The following PIGF variants were observed in gnomAD, a reference collection of about 807,000 sequenced individuals.
PIGF encodes the protein phosphatidylinositol glycan anchor biosynthesis class F, also known as GPI ethanolamine phosphate transferase, stabilizing subunit.
Under a neutral mutation model 26.0 loss-of-function variants are expected in PIGF, and 23 were observed. The ratio of observed to expected loss-of-function variants is 0.88; its 90% CI spans 0.64 to 1.25. The LOEUF (loss-of-function observed/expected upper bound fraction) is 1.25. Ranked by LOEUF, PIGF falls within the 50% of genes most tolerant of loss-of-function variation. The pLI is 0.00. For synonymous variants in PIGF, 93 were observed against 92.6 expected (o/e 1.00, Z -0.03); for missense variants, 278 against 249.9 (o/e 1.11, Z -0.76).
chr2:46,597,994 G>A (rs1020726335), intron 4 of PIGF, among the ~76,000 whole-genome samples: 1 of 152,112 alleles, frequency 6.6e-6, no homozygotes, highest in Non-Finnish European at 1.5e-5. Flanking sequence ...TGTTTGATCA[G>A]ATCACTTAAG....
intron 4 of PIGF, among the ~76,000 whole-genome samples, chr2:46,601,621 TAAAAC>T (rs923891625): frequency 6.6e-6 from 1 of 152,092 alleles, no homozygotes; most frequent in Non-Finnish European, 1.5e-5. Flanking sequence ...CACTGAATAT[TAAAAC>T]AAATGCCTCT....
In PIGF at chr2:46,613,773, A is replaced by C. The variant is rs774235839; in HGVS notation, c.241T>G (p.Leu81Val). The C allele has an allele frequency of 6.4e-7, 1 of 1,552,804 alleles. No homozygotes were observed. The highest frequency in any genetic ancestry group is 8.8e-7 in the Non-Finnish European group (1 of 1,134,726). The change falls in exon 3 of 6, where the codon TTG (leucine) becomes GTG (valine). Residue 81 changes from leucine (L) to valine (V), a missense_variant. Leu to Val is a conservative substitution (Grantham distance 32). Coordinates refer to ENST00000281382, the MANE Select transcript of PIGF (RefSeq NM_002643.4). ...ATAAGAAAGTAGATACAGCATTTCAAAAATCCAGTTACCTAAAAGAGAAAT... is the reference window on the plus strand; with the variant it reads ...ATAAGAAAGTAGATACAGCATTTCACAAATCCAGTTACCTAAAAGAGAAAT... ...SSLSHKVTGF[L>V]KCCIYFLMSC...
intron 4 of PIGF, among the ~76,000 whole-genome samples, chr2:46,597,724 T>C (rs376266064): frequency 2.8e-3 from 428 of 152,314 alleles, no homozygotes; most frequent in African/African-American, 9.9e-3. Flanking sequence ...GCCTCAGAAT[T>C]TGGAAGGCAC....
intron 4 of PIGF, among the ~76,000 whole-genome samples, chr2:46,594,316 G>T (rs1196660272): frequency 6.6e-6 from 1 of 152,194 alleles, no homozygotes; most frequent in Non-Finnish European, 1.5e-5. Context: ...GTGTGGTAGA[G>T]GTTGAGAGCA....
chr2:46,608,927 G>A (rs980221998), intron 4 of PIGF, among the ~76,000 whole-genome samples: 1 of 152,174 alleles, frequency 6.6e-6, no homozygotes, highest in Non-Finnish European at 1.5e-5. Flanking sequence ...CCTAGGATTT[G>A]CAAAATGGTA....
rs751270952 is a variant in PIGF at position 46,588,089 on chromosome 2, G to A, written c.546+4386C>T. The A allele has an allele frequency of 2.5e-6, 4 of 1,593,794 alleles. No homozygotes were observed. The East Asian group carries it at 9.1e-5, about 36-fold the overall frequency. On this transcript the variant is annotated intron_variant, in intron 5 of 5. Coordinates refer to ENST00000281382, the MANE Select transcript of PIGF (RefSeq NM_002643.4). The surrounding 1 kb of genome is among the most constrained non-coding windows in gnomAD (Gnocchi z 4.1). ...GTAAAACCTACCTTGCACTACGGTTGTCAGGATTAAGTTACTCATTTCACA... is the reference window on the plus strand; with the variant it reads ...GTAAAACCTACCTTGCACTACGGTTATCAGGATTAAGTTACTCATTTCACA...
At chr2:46,592,439 A>T in intron 5 of PIGF, 36 bp downstream of exon 5, 1 of 1,025,542 alleles carries the variant, frequency 9.8e-7, no homozygotes, top group South Asian at 1.3e-5. Context: ...CATTGTACAA[A>T]CATTTATTTT....
At chr2:46,607,448 G>C (rs1670260322) in intron 4 of PIGF, among the ~76,000 whole-genome samples, 2 of 152,188 alleles carry the variant, frequency 1.3e-5, no homozygotes, top group Admixed American at 1.3e-4. Context: ...AATAAAGTGA[G>C]TCATATGTAT....
At chr2:46,606,129 G>C (rs187611345) in intron 4 of PIGF, among the ~76,000 whole-genome samples, 25 of 152,208 alleles carry the variant, frequency 1.6e-4, no homozygotes, top group Non-Finnish European at 3.1e-4. Context: ...TTAAGTACTG[G>C]CAAACTCTAA....
chr2:46,612,702 A>G (rs1398952676), intron 3 of PIGF, among the ~76,000 whole-genome samples: 1 of 152,122 alleles, frequency 6.6e-6, no homozygotes, highest in Non-Finnish European at 1.5e-5. Context: ...TCAATACACT[A>G]TTGAACCACT....
chr2:46,589,389 T>G lies in PIGF; in HGVS notation c.546+3086A>C, dbSNP rs1373745763. On this transcript the variant is annotated intron_variant, in intron 5 of 5. Transcript: ENST00000281382. The surrounding 1 kb of genome is among the most constrained non-coding windows in gnomAD (Gnocchi z 4.7). ...ATGCTTGAAACAGCTCATTACAGAA[T>G]CCACATCACTATAATCTTATGCTTG... Among the ~76,000 whole-genome samples, 1 of 151,966 alleles carries G rather than the reference T, an allele frequency of 6.6e-6. No individual in the cohort carries two copies. The highest frequency in any genetic ancestry group is 1.5e-5 in the Non-Finnish European group (1 of 67,932).
At chr2:46,590,267 G>A (rs1471786469) in intron 5 of PIGF, among the ~76,000 whole-genome samples, 1 of 152,074 alleles carries the variant, frequency 6.6e-6, no homozygotes, top group Non-Finnish European at 1.5e-5. Context: ...TTTGGATCTA[G>A]TTCATCCTTA....
At chr2:46,593,391 A>G (rs1572771727) in intron 4 of PIGF, among the ~76,000 whole-genome samples, 1 of 152,306 alleles carries the variant, frequency 6.6e-6, no homozygotes, top group African/African-American at 2.4e-5. Context: ...TTGGCCTCCC[A>G]AAGTGTTGGG....
rs768433297 is a variant in PIGF, at chr2:46,588,401, G to A, written c.546+4074C>T. 1.1e-5 allele frequency: 5 copies of A among 468,076 alleles called. No individual in the cohort carries two copies. In the Admixed American group the frequency reaches 2.1e-4, roughly 20 times the overall value. The allele number at this position is 468,076 out of a possible 1,614,324, so 29.0% of individuals were successfully genotyped here. On this transcript the variant is annotated intron_variant, in intron 5 of 5. Coordinates refer to ENST00000281382, the MANE Select transcript of PIGF (RefSeq NM_002643.4). This position sits in a 1 kb window ranked among gnomAD's most constrained non-coding sequence, Gnocchi z 4.1. ...GCATTTTTTGAAGGCTAAAAATATAGTCATTAAACTATGTCTTTTCTAGGT... is the reference window on the plus strand; with the variant it reads ...GCATTTTTTGAAGGCTAAAAATATAATCATTAAACTATGTCTTTTCTAGGT...
At position 46,589,084 on chromosome 2, in the gene PIGF, G is replaced by A. The variant is rs986325961; in HGVS notation, c.546+3391C>T. Among the ~76,000 whole-genome samples, 7 of 152,026 alleles carry A rather than the reference G, an allele frequency of 4.6e-5. No homozygotes were observed. The highest frequency in any genetic ancestry group is 1.7e-4 in the African/African-American group (7 of 41,424). ...CTGAGATTTTAAGGCAAATAAGGTA[G>A]AGGCAAGAAGATGACTTTAAAGTAT... On this transcript the variant is annotated intron_variant, in intron 5 of 5. Coordinates refer to ENST00000281382, the MANE Select transcript of PIGF (RefSeq NM_002643.4). This position sits in a 1 kb window ranked among gnomAD's most constrained non-coding sequence, Gnocchi z 4.7.
chr2:46,594,438 GAA>G (rs3841850), intron 4 of PIGF, among the ~76,000 whole-genome samples: 83 of 152,140 alleles, frequency 5.5e-4, no homozygotes, highest in African/African-American at 2.0e-3. Flanking sequence ...GAGGACTGGA[GAA>G]AAGAGCTGCA....
Position 46,589,945 on chromosome 2 carries a change from A to G in PIGF, c.546+2530T>C, listed in dbSNP as rs1039975624. Among the ~76,000 whole-genome samples the G allele has an allele frequency of 6.6e-6, 1 of 152,108 alleles. No individual in the cohort carries two copies. The highest frequency in any genetic ancestry group is 1.5e-5 in the Non-Finnish European group (1 of 67,938). The stretch of plus-strand genomic sequence containing the variant: ...AAAGGGCAAGGAGCAGATGAGTGCT[A>G]TATGAATAAAAGATTTTTAATTATA... On this transcript the variant is annotated intron_variant, in intron 5 of 5. Transcript: ENST00000281382. This position sits in a 1 kb window ranked among gnomAD's most constrained non-coding sequence, Gnocchi z 4.7.
intron 4 of PIGF, among the ~76,000 whole-genome samples, chr2:46,605,119 T>G (rs1174006502): frequency 6.6e-6 from 1 of 152,052 alleles, no homozygotes. Context: ...TGCAAAACCA[T>G]AGATCTTTGA....
At chr2:46,599,310 G>A (rs926848424) in intron 4 of PIGF, among the ~76,000 whole-genome samples, 1 of 152,044 alleles carries the variant, frequency 6.6e-6, no homozygotes, top group African/African-American at 2.4e-5. Context: ...TTATTTTCTT[G>A]ATATAGTGAG....
Sources: allele counts gnomAD v4.1 joint callset (sites outside exome capture counted in the v4.1 genomes callset), GRCh38; gene constraint gnomAD v4.1.1; non-coding constraint Gnocchi (gnomAD v3.1); transcripts MANE v1.5; gene names NCBI Gene and HGNC (gene_info 2026-07-23, HGNC 2026-07-21).